The following CCSER1 variants were observed in gnomAD, a reference collection of about 807,000 sequenced individuals.
The protein encoded by CCSER1 is serine-rich coiled-coil domain-containing protein 1.
A neutral mutation model predicts 82.0 loss-of-function variants in CCSER1; 41 were observed. The observed-to-expected ratio is 0.50, with a 90% CI of 0.39 to 0.65. The LOEUF is 0.65. CCSER1 is among the 30% of genes least tolerant of loss of function. The pLI, the probability that CCSER1 is intolerant of heterozygous loss-of-function variation, is 0.00. For missense variants in CCSER1, 1,119 were observed against 1,064.2 expected (o/e 1.05, Z -0.72); for synonymous variants, 414 against 383.9 (o/e 1.08, Z -0.92).
intron 9 of CCSER1, among the ~76,000 whole-genome samples, chr4:90,954,143 G>A (rs540722689): frequency 6.6e-6 from 1 of 151,896 alleles, no homozygotes; most frequent in East Asian, 1.9e-4. Flanking sequence ...GCATTGGAAA[G>A]CAAATACATT....
At position 90,786,696 on chromosome 4, in the gene CCSER1, A is replaced by G. The variant is rs145731919; in HGVS notation, c.2011-29066A>G. On this transcript the variant is annotated intron_variant, in intron 7 of 10. Coordinates refer to ENST00000509176, the MANE Select transcript of CCSER1 (RefSeq NM_001145065.2). ...TACTCTCATACCACAGCGATCAACA[A>G]TGAAGACATCTGTGACCAAATGTGT... is the stretch of plus-strand genomic sequence containing the variant. 7.2e-3 allele frequency among the ~76,000 whole-genome samples: 1,092 copies of G among 152,300 alleles called. 11 individuals carry two copies. Among genetic ancestry groups the G allele is most frequent in the Non-Finnish European group, 0.011 (760 of 68,016 alleles).
At position 90,626,010 on chromosome 4, in the gene CCSER1, C is replaced by G. The variant is rs73833738; in HGVS notation, c.1725-2015C>G. Among the ~76,000 whole-genome samples the G allele has an allele frequency of 1.5e-3, 234 of 151,944 alleles. 1 individual carries two copies. The highest frequency in any genetic ancestry group is 5.4e-3 in the African/African-American group (224 of 41,440). On this transcript the variant is annotated intron_variant, in intron 5 of 10. Transcript: ENST00000509176. Reference sequence around the variant, plus strand: ...CATGGGTGTTTAGATCCATGACTGACCAAATAATTTTAAAGAGCCAGCACG... The same window carrying G: ...CATGGGTGTTTAGATCCATGACTGAGCAAATAATTTTAAAGAGCCAGCACG...
intron 10 of CCSER1, among the ~76,000 whole-genome samples, chr4:91,582,002 G>C (rs1188572694): frequency 6.6e-6 from 1 of 151,646 alleles, no homozygotes; most frequent in Admixed American, 6.6e-5. Flanking sequence ...TGGATAGATG[G>C]AAATAAATGT....
At chr4:90,622,361 C>G (rs548503112) in intron 5 of CCSER1, among the ~76,000 whole-genome samples, 10 of 152,118 alleles carry the variant, frequency 6.6e-5, no homozygotes, top group Non-Finnish European at 1.0e-4. Flanking sequence ...TGTTGGTGTG[C>G]TGCACCCATT....
intron 4 of CCSER1, among the ~76,000 whole-genome samples, chr4:90,422,494 C>T (rs1196425445): frequency 6.6e-6 from 1 of 152,026 alleles, no homozygotes; most frequent in African/African-American, 2.4e-5. Flanking sequence ...AGTTGGGAGG[C>T]TGGGGTGGGA....
chr4:90,733,714 TA>T (rs1745160331), intron 7 of CCSER1, among the ~76,000 whole-genome samples: 1 of 152,214 alleles, frequency 6.6e-6, no homozygotes, highest in African/African-American at 2.4e-5. Context: ...TGATCAGAGA[TA>T]GGGGTCTAGT....
intron 1 of CCSER1, among the ~76,000 whole-genome samples, chr4:90,225,944 T>G (rs1310656477): frequency 6.6e-6 from 1 of 152,180 alleles, no homozygotes; most frequent in Non-Finnish European, 1.5e-5. Context: ...GAATGTGGTA[T>G]AAGTAATACT....
intron 10 of CCSER1, among the ~76,000 whole-genome samples, chr4:91,438,781 C>T (rs1290745850): frequency 1.3e-5 from 2 of 152,100 alleles, no homozygotes; most frequent in Admixed American, 1.3e-4. Flanking sequence ...CAGAGAAGTG[C>T]TTAAAGGAGC....
intron 9 of CCSER1, among the ~76,000 whole-genome samples, chr4:91,019,120 T>C (rs540006106): frequency 1.3e-5 from 2 of 152,116 alleles, no homozygotes; most frequent in East Asian, 3.9e-4. Flanking sequence ...ATATTTTTAT[T>C]TTTACTATTT....
chr4:90,871,466 TGTA>T (rs1045018489), intron 8 of CCSER1, among the ~76,000 whole-genome samples: 24 of 151,988 alleles, frequency 1.6e-4, no homozygotes, highest in African/African-American at 5.3e-4. Context: ...CATGGGCTTG[TGTA>T]GTTTTCAGAG....
At chr4:90,544,602 C>T (rs868556642) in intron 5 of CCSER1, among the ~76,000 whole-genome samples, 1 of 152,068 alleles carries the variant, frequency 6.6e-6, no homozygotes, top group African/African-American at 2.4e-5. Flanking sequence ...TCATGGTCTA[C>T]TGCCCGTATG....
chr4:90,596,607 ACAGT>A (rs143968120), intron 5 of CCSER1, among the ~76,000 whole-genome samples: 2,895 of 151,938 alleles, frequency 0.019, 100 homozygotes, highest in African/African-American at 0.066. Flanking sequence ...CTTCAAAGTG[ACAGT>A]CAGGTACAAT....
chr4:91,373,914 A>G (rs1026642045), intron 10 of CCSER1, among the ~76,000 whole-genome samples: 1 of 152,210 alleles, frequency 6.6e-6, no homozygotes, highest in African/African-American at 2.4e-5. Flanking sequence ...TGATATGGAA[A>G]AAGTTTTAGT....
intron 10 of CCSER1, among the ~76,000 whole-genome samples, chr4:91,574,520 A>G (rs56047630): frequency 0.2 from 31,065 of 152,114 alleles, 3,778 homozygotes; most frequent in Middle Eastern, 0.31. Context: ...TGAATTGGAT[A>G]AAGAAAATTT....
chr4:90,157,017 G>C (rs1294431155), intron 1 of CCSER1, among the ~76,000 whole-genome samples: 1 of 152,198 alleles, frequency 6.6e-6, no homozygotes, highest in Non-Finnish European at 1.5e-5. Context: ...GGTACCTGTT[G>C]TTCCTTTCCA....
chr4:90,187,854 T>A (rs1272991583), intron 1 of CCSER1, among the ~76,000 whole-genome samples: 1 of 151,864 alleles, frequency 6.6e-6, no homozygotes, highest in South Asian at 2.1e-4. Context: ...ATAAAAGAGT[T>A]AATTTCGTCC....
At chr4:90,916,029 G>A (rs1727335731) in intron 8 of CCSER1, among the ~76,000 whole-genome samples, 1 of 152,048 alleles carries the variant, frequency 6.6e-6, no homozygotes, top group African/African-American at 2.4e-5. Flanking sequence ...ACAAACAAAT[G>A]GAAGAACATT....
At chr4:90,836,953 T>G (rs1178215582) in intron 8 of CCSER1, among the ~76,000 whole-genome samples, 2 of 152,220 alleles carry the variant, frequency 1.3e-5, no homozygotes, top group African/African-American at 4.8e-5. Context: ...AATGATCAGT[T>G]GAAGCTGAAA....
chr4:90,818,091 T>C (rs1377913), intron 8 of CCSER1, among the ~76,000 whole-genome samples: 80,989 of 151,596 alleles, frequency 0.53, 21,890 homozygotes, highest in East Asian at 0.65. Flanking sequence ...TCTACATGTA[T>C]GCTGTAGAAT....
Sources: allele counts gnomAD v4.1 joint callset (sites outside exome capture counted in the v4.1 genomes callset), GRCh38; gene constraint gnomAD v4.1.1; transcripts MANE v1.5; gene names NCBI Gene and HGNC (gene_info 2026-07-23, HGNC 2026-07-21).